Variants in REN observed in about 807,000 individuals in gnomAD.
REN encodes the protein renin, also known as angiotensin-forming enzyme.
A neutral mutation model predicts 48.6 loss-of-function variants in REN; 42 were observed. The ratio of observed to expected loss-of-function variants is 0.86; its 90% CI spans 0.68 to 1.12. The LOEUF is 1.12. Ranked by LOEUF, REN falls within the 50% of genes most tolerant of loss-of-function variation. The pLI, the probability that REN is intolerant of heterozygous loss-of-function variation, is 0.00. For synonymous variants in REN, 196 were observed against 204.6 expected (o/e 0.96, Z 0.36); for missense variants, 443 against 527.3 (o/e 0.84, Z 1.57).
At chr1:204,161,951 A>T in intron 2 of REN, 62 bp downstream of exon 2, 2 of 1,593,916 alleles carry the variant, frequency 1.3e-6, no homozygotes, top group Non-Finnish European at 1.7e-6. Flanking sequence ...CAGCAAAGAA[A>T]GCCCTAGGTC....
In REN at chr1:204,160,125, A is replaced by G. The variant is rs1207471229; in HGVS notation, c.492+435T>C. ...GAGGAAACGGTCAGACATGGGCCAC[A>G]TGGAAAAGAAAAGCAGGCCTTGACC... is the stretch of plus-strand genomic sequence containing the variant. On this transcript the variant is annotated intron_variant, in intron 4 of 9. Coordinates refer to ENST00000272190, the MANE Select transcript of REN (RefSeq NM_000537.4). Among the ~76,000 whole-genome samples, 4 of 152,318 alleles carry G rather than the reference A, an allele frequency of 2.6e-5. No homozygotes were observed. The East Asian group carries it at 5.8e-4, about 22-fold the overall frequency.
At chr1:204,157,096 A>AC (rs1658163718) in intron 6 of REN, among the ~76,000 whole-genome samples, 1 of 152,192 alleles carries the variant, frequency 6.6e-6, no homozygotes, top group African/African-American at 2.4e-5. Context: ...CAGTGAGTGG[A>AC]TGTGAACAAG....
intron 6 of REN, 29 bp downstream of exon 6, chr1:204,157,332 A>C (rs1479446002): frequency 1.2e-6 from 2 of 1,614,078 alleles, no homozygotes; most frequent in Non-Finnish European, 1.7e-6. Context: ...CTGGAAGGTC[A>C]CAGCCATGTG....
At position 204,161,318 on chromosome 1, in the gene REN, T is replaced by A; in HGVS notation, c.347A>T (p.Lys116Met). 1 of 1,607,888 alleles carries A rather than the reference T, an allele frequency of 6.2e-7. No homozygotes were observed. Among genetic ancestry groups the A allele is most frequent in the Non-Finnish European group, 8.5e-7 (1 of 1,177,220 alleles). The change falls in exon 3 of 10, where the codon AAG becomes ATG. Residue 116 changes from lysine (K) to methionine (M), a missense_variant. By Grantham distance (95) the Lys-to-Met change is moderately conservative (BLOSUM62 -1). Transcript: ENST00000272190. ...ACAGGCAGTGTAGAGACGGCTGCAC[T>A]TGGAGGAGGGCACCCAAACATTGGA... ...GSSNVWVPSS[K>M]CSRLYTACVY...
At chr1:204,158,387 G>T (rs1424830519) in intron 5 of REN, among the ~76,000 whole-genome samples, 1 of 148,952 alleles carries the variant, frequency 6.7e-6, no homozygotes, top group East Asian at 2.0e-4. Flanking sequence ...TTTTGCCACT[G>T]GCCTCATGTT....
intron 4 of REN, 91 bp from the exon 5 acceptor site, chr1:204,159,686 C>G (rs1319050253): frequency 9.3e-7 from 1 of 1,076,908 alleles, no homozygotes; most frequent in Admixed American, 1.8e-5. Context: ...ATCCCAGGGG[C>G]ACACATGCTC....
intron 2 of REN, 58 bp downstream of exon 2, chr1:204,161,955 C>T (rs752942696): frequency 1.0e-5 from 16 of 1,605,082 alleles, no homozygotes; most frequent in Non-Finnish European, 1.4e-5. Context: ...AAAGAAAGCC[C>T]TAGGTCCATG....
chr1:204,155,218 A>G, intron 9 of REN, 41 bp from the exon 10 acceptor site: 3 of 1,609,588 alleles, frequency 1.9e-6, no homozygotes, highest in Non-Finnish European at 2.5e-6. Flanking sequence ...CCAGCACATG[A>G]GCATTCTCCT....
Position 204,156,040 on chromosome 1 carries a change from G to T in REN, c.961-122C>A. ...GCTGGGGACAGTGCCCCGCCCCATG[G>T]GTGACCAGCCACATGTGTGGAGAGT... On this transcript the variant is annotated intron_variant, in intron 8 of 9. Coordinates refer to ENST00000272190, the MANE Select transcript of REN (RefSeq NM_000537.4). The surrounding 1 kb of genome is among the most constrained non-coding windows in gnomAD (Gnocchi z 4.2). 6.8e-7 allele frequency: 1 copy of T among 1,467,978 alleles called. No individual in the cohort carries two copies. Among genetic ancestry groups the T allele is most frequent in the Non-Finnish European group, 9.5e-7 (1 of 1,050,380 alleles). The allele number at this position is 1,467,978 out of a possible 1,614,324, so 90.9% of individuals were successfully genotyped here. A position where few individuals can be genotyped will look rare whatever the true frequency, so the allele number is the denominator to read the frequency against.
chr1:204,160,764 G>A (rs1024667209), intron 3 of REN, 86 bp from the exon 4 acceptor site: 4 of 920,546 alleles, frequency 4.3e-6, no homozygotes, highest in Admixed American at 1.7e-5. Context: ...GGTATGGCTG[G>A]TTAGCTTAGG....
intron 3 of REN, among the ~76,000 whole-genome samples, 166 bp from the exon 4 acceptor site, chr1:204,160,844 T>C (rs1658234485): frequency 6.6e-6 from 1 of 152,154 alleles, no homozygotes; most frequent in Admixed American, 6.5e-5. Flanking sequence ...ACTGGGTTTC[T>C]TGGGCTCTCC....
intron 1 of REN, among the ~76,000 whole-genome samples, chr1:204,162,928 T>G (rs1658274399): frequency 6.6e-6 from 1 of 152,240 alleles, no homozygotes; most frequent in Non-Finnish European, 1.5e-5. Context: ...GAGCCGCTAC[T>G]GAAATCACAC....
intron 1 of REN, among the ~76,000 whole-genome samples, chr1:204,164,040 C>T (rs1286527019): frequency 6.6e-6 from 1 of 152,232 alleles, no homozygotes; most frequent in Non-Finnish European, 1.5e-5. Flanking sequence ...ATGCTCTGCA[C>T]ATAGCGGGTA....
intron 5 of REN, 110 bp downstream of exon 5, chr1:204,159,289 T>C (rs1310256330): frequency 2.2e-6 from 2 of 928,164 alleles, no homozygotes; most frequent in Non-Finnish European, 3.5e-6. Context: ...ATTGATTGGC[T>C]GTCACCTAAT....
intron 5 of REN, among the ~76,000 whole-genome samples, chr1:204,159,041 C>T (rs558888074): frequency 5.9e-5 from 9 of 152,160 alleles, no homozygotes; most frequent in Admixed American, 2.0e-4. Flanking sequence ...TCGCCCCCAC[C>T]TTGCATCTCC....
intron 3 of REN, 140 bp downstream of exon 3, chr1:204,161,152 T>G: frequency 2.0e-6 from 2 of 986,606 alleles, no homozygotes; most frequent in Non-Finnish European, 2.9e-6. Context: ...CCCTCTCCCC[T>G]ACATGTCAGT....
chr1:204,155,221 A>G (rs755901652), intron 9 of REN, 44 bp from the exon 10 acceptor site: 1 of 1,607,430 alleles, frequency 6.2e-7, no homozygotes, highest in East Asian at 2.2e-5. Context: ...GCACATGAGC[A>G]TTCTCCTTTC....
In REN at chr1:204,156,209, T is replaced by C. The variant is rs1306579692; in HGVS notation, c.929A>G (p.Glu310Gly). The C allele has an allele frequency of 5.0e-6, 8 of 1,614,122 alleles. No individual in the cohort carries two copies. The African/African-American group carries it at 1.1e-4, about 22-fold the overall frequency. ...GSTSSIEKLM[E>G]ALGAKKRLFD... ...CAGCCTCTTCTTGGCTCCCAAGGCC[T>C]CCATGAGCTTCTCTATGGAGCTGGT... Residue 310 changes from glutamate to glycine, a missense_variant, in exon 8 of 10, where the codon GAG (glutamate) becomes GGG (glycine). Coordinates refer to ENST00000272190, the MANE Select transcript of REN (RefSeq NM_000537.4). The surrounding 1 kb of genome is among the most constrained non-coding windows in gnomAD (Gnocchi z 4.2).
intron 1 of REN, among the ~76,000 whole-genome samples, chr1:204,165,977 A>G (rs1658342589): frequency 6.6e-6 from 1 of 152,194 alleles, no homozygotes; most frequent in Non-Finnish European, 1.5e-5. Context: ...GTGCTTAGTT[A>G]GCATGGTGCT....
Sources: gnomAD v4.1 joint callset for allele counts (sites outside exome capture counted in the v4.1 genomes callset) on GRCh38, gnomAD v4.1.1 for gene constraint, Gnocchi (gnomAD v3.1) non-coding constraint, MANE v1.5 for transcripts, NCBI Gene and HGNC (gene_info 2026-07-23, HGNC 2026-07-21) for gene names.